The following SLC26A4 variants were observed in gnomAD, a reference collection of about 807,000 sequenced individuals.
The protein encoded by SLC26A4 is solute carrier family 26 member 4, also known as pendrin.
Under a neutral mutation model 90.4 loss-of-function variants are expected in SLC26A4, and 93 were observed. The ratio of observed to expected loss-of-function variants is 1.03; its 90% confidence interval spans 0.87 to 1.22. The LOEUF is 1.22. Among genes scored for constraint, SLC26A4 ranks in the 50% most tolerant of loss-of-function variants. The pLI, the probability that SLC26A4 is intolerant of heterozygous loss-of-function variation, is 0.00. For synonymous variants in SLC26A4, 393 were observed against 354.6 expected, an observed-to-expected ratio of 1.11 and a Z score of -1.22; for missense variants, 1,127 against 946.2, an observed-to-expected ratio of 1.19 and a Z score of -2.51.
intron 6 of SLC26A4, among the ~76,000 whole-genome samples, chr7:107,682,574 A>G (rs143784378): frequency 2.6e-5 from 4 of 152,192 alleles, no homozygotes; most frequent in Middle Eastern, 3.4e-3. Context: ...ATTTTTTGTT[A>G]TTATCTATAT....
chr7:107,671,261 C>T (rs1326884931), intron 3 of SLC26A4, among the ~76,000 whole-genome samples: 3 of 152,192 alleles, frequency 2.0e-5, no homozygotes, highest in Non-Finnish European at 4.4e-5. Flanking sequence ...CTCCTGGGCT[C>T]AAACAATCCT....
rs758704744 is a variant in SLC26A4 at position 107,683,374 on chromosome 7, A to T, written c.918+20A>T. 6.2e-7 allele frequency: 1 copy of T among 1,612,254 alleles called. No homozygotes were observed. Among genetic ancestry groups the T allele is most frequent in the Non-Finnish European group, 8.5e-7 (1 of 1,178,316 alleles). On this transcript the variant is annotated intron_variant, in intron 7 of 20. Transcript: ENST00000644269. ...ATTGTGGTAAGTAGAATATGTAGTT[A>T]GAAAGTTCAGCATTATTTGGTTGAC... is the stretch of plus-strand genomic sequence containing the variant.
intron 8 of SLC26A4, among the ~76,000 whole-genome samples, chr7:107,687,837 C>T (rs1269612813): frequency 6.6e-6 from 1 of 152,200 alleles, no homozygotes; most frequent in Non-Finnish European, 1.5e-5. Flanking sequence ...TCCCAAGTCA[C>T]ATCCCAACTA....
At chr7:107,711,153 A>AG (rs1491525732) in intron 19 of SLC26A4, among the ~76,000 whole-genome samples, 4 of 134,386 alleles carry the variant, frequency 3.0e-5, no homozygotes, top group Non-Finnish European at 6.1e-5. Flanking sequence ...ATAAAAAAGG[A>AG]AAAAAAAAAA....
At chr7:107,712,710 C>T in intron 20 of SLC26A4, 88 bp downstream of exon 20, 1 of 788,608 alleles carries the variant, frequency 1.3e-6, no homozygotes, top group Non-Finnish European at 2.3e-6. Context: ...TGATTAAGAA[C>T]TGTCAGGGAA....
In SLC26A4 at chr7:107,715,440, A is replaced by T; in HGVS notation, c.2337A>T (p.Ala779=). ...DVQDEAMRTL[A]S ...TTCCACAGGCTATGCGTACACTTGC[A>T]TCCTGAAAGTGGGTTCGGGAGGTCT... The change falls in exon 21 of 21, where the codon GCA becomes GCT. Residue 779 remains alanine (A), a synonymous_variant. Transcript: ENST00000644269. 1 of 1,613,496 alleles carries T rather than the reference A, an allele frequency of 6.2e-7. No individual in the cohort carries two copies. The highest frequency in any genetic ancestry group is 8.5e-7 in the Non-Finnish European group (1 of 1,179,386).
intron 3 of SLC26A4, among the ~76,000 whole-genome samples, chr7:107,668,540 C>A (rs546825862): frequency 6.6e-6 from 1 of 152,172 alleles, no homozygotes; most frequent in East Asian, 1.9e-4. Context: ...CCGAGAAGAC[C>A]AGCTCAGGTT....
intron 6 of SLC26A4, among the ~76,000 whole-genome samples, 176 bp downstream of exon 6, chr7:107,675,285 T>TAAAAAAAAAAAAA (rs60022317): frequency 1.0e-5 from 1 of 96,784 alleles, no homozygotes; most frequent in African/African-American, 4.0e-5. Context: ...CCTCATCTCT[T>TAAAAAAAAAAAAA]AAAAAAAAAA....
chr7:107,663,366 C>A lies in SLC26A4; in HGVS notation c.235C>A (p.Arg79=). The stretch of plus-strand genomic sequence containing the variant: ...CATCTTGGAGTGGCTCCCCAAATAC[C>A]GAGTCAAGGAATGGCTGCTTAGTGA... ...VPILEWLPKY[R]VKEWLLSDVI... The change falls in exon 3 of 21, where the codon CGA becomes AGA. Residue 79 remains arginine (R), a synonymous_variant. Coordinates refer to ENST00000644269, the MANE Select transcript of SLC26A4 (RefSeq NM_000441.2). 4 of 1,614,034 alleles carry A rather than the reference C, an allele frequency of 2.5e-6. No individual in the cohort carries two copies. Among genetic ancestry groups the A allele is most frequent in the Non-Finnish European group, 3.4e-6 (4 of 1,179,942 alleles).
intron 18 of SLC26A4, among the ~76,000 whole-genome samples, chr7:107,705,884 C>T (rs372627456): frequency 3.7e-4 from 57 of 152,278 alleles, no homozygotes; most frequent in Admixed American, 1.5e-3. Flanking sequence ...AGCATTCTGG[C>T]GAACTCTCTA....
At chr7:107,694,819 T>C (rs952558399) in intron 12 of SLC26A4, 103 bp downstream of exon 12, 1 of 822,862 alleles carries the variant, frequency 1.2e-6, no homozygotes, top group African/African-American at 1.7e-5. Context: ...TCACTTGTGC[T>C]TTGGGAACTC....
At chr7:107,690,099 C>A in intron 9 of SLC26A4, 25 bp from the exon 10 acceptor site, 2 of 1,283,294 alleles carry the variant, frequency 1.6e-6, no homozygotes, top group Non-Finnish European at 2.3e-6. Context: ...TTTGTAGGAT[C>A]GTTGTCATCC....
intron 13 of SLC26A4, among the ~76,000 whole-genome samples, chr7:107,697,504 A>G (rs908844100): frequency 5.9e-5 from 9 of 152,234 alleles, no homozygotes; most frequent in Non-Finnish European, 1.0e-4. Flanking sequence ...TGCATCAGGA[A>G]CAAGAAATCA....
At chr7:107,686,146 C>G (rs550084717) in intron 8 of SLC26A4, among the ~76,000 whole-genome samples, 5 of 151,184 alleles carry the variant, frequency 3.3e-5, no homozygotes, top group Admixed American at 3.3e-4. Context: ...ACAAGATTGA[C>G]GGCTCTGTCC....
Position 107,661,826 on chromosome 7 carries a change from C to A in SLC26A4, c.164+21C>A, listed in dbSNP as rs1313575764. The A allele has an allele frequency of 1.3e-6, 2 of 1,529,738 alleles. No homozygotes were observed. Among genetic ancestry groups the A allele is most frequent in the Non-Finnish European group, 1.8e-6 (2 of 1,142,468 alleles). 94.8% of individuals were successfully genotyped at this position (1,529,738 alleles called of 1,614,324 possible). ...TGCAGGTAGCGGCCGCGCGGGCCTG[C>A]GTAGAGAGAAGCGGAGCGGGGCGTC... On this transcript the variant is annotated intron_variant, in intron 2 of 20. Transcript: ENST00000644269. The surrounding 1 kb of genome is among the most constrained non-coding windows in gnomAD (Gnocchi z 5.1).
chr7:107,698,368 A>G (rs1016261204), intron 14 of SLC26A4, among the ~76,000 whole-genome samples: 2 of 150,380 alleles, frequency 1.3e-5, no homozygotes, highest in African/African-American at 4.9e-5. Context: ...CCCAGGCTGG[A>G]GTGCAGAGGC....
chr7:107,663,267 G>A, intron 2 of SLC26A4, 29 bp from the exon 3 acceptor site: 1 of 1,614,000 alleles, frequency 6.2e-7, no homozygotes, highest in Non-Finnish European at 8.5e-7. Context: ...AGATTGGATT[G>A]AAAACCCAGT....
chr7:107,673,882 CCACA>C (rs1388320558), intron 4 of SLC26A4, among the ~76,000 whole-genome samples: 1 of 152,022 alleles, frequency 6.6e-6, no homozygotes, highest in Non-Finnish European at 1.5e-5. Context: ...GCACGCACCA[CCACA>C]CCCAGCTAAT....
chr7:107,661,178 G>A lies in SLC26A4; in HGVS notation c.-4+323G>A. On this transcript the variant is annotated intron_variant, in intron 1 of 20. Transcript: ENST00000644269. This position sits in a 1 kb window ranked among gnomAD's most constrained non-coding sequence, Gnocchi z 5.1. ...CCCGGGGGTCTGCACCTCTCCTCCA[G>A]TGCGCACCTGGAGCTGCGTCCCGGG... is the stretch of plus-strand genomic sequence containing the variant. The A allele has an allele frequency of 4.9e-6, 1 of 205,382 alleles. No homozygotes were observed. The highest frequency in any genetic ancestry group is 7.7e-5 in the South Asian group (1 of 13,014). 12.7% of individuals were successfully genotyped at this position (205,382 alleles called of 1,614,324 possible).
Sources: allele counts gnomAD v4.1 joint callset (sites outside exome capture counted in the v4.1 genomes callset), GRCh38; gene constraint gnomAD v4.1.1; non-coding constraint Gnocchi (gnomAD v3.1); transcripts MANE v1.5; gene names NCBI Gene and HGNC (gene_info 2026-07-23, HGNC 2026-07-21).